The following TPCN1 variants were observed in gnomAD, a reference collection of about 807,000 sequenced individuals.
The protein encoded by TPCN1 is two pore segment channel 1.
Under a neutral mutation model 108.8 loss-of-function variants are expected in TPCN1, and 52 were observed. The observed-to-expected ratio is 0.48, with a 90% CI of 0.38 to 0.60. The LOEUF is 0.60. Among genes scored for constraint, TPCN1 ranks in the 20% least tolerant of loss-of-function variants. TPCN1 has a pLI of 0.00. For missense variants in TPCN1, 806 were observed against 1,072.8 expected (o/e 0.75, Z 3.47); for synonymous variants, 446 against 433.7 (o/e 1.03, Z -0.35).
At chr12:113,224,297 G>A (rs1397755962) in intron 1 of TPCN1, among the ~76,000 whole-genome samples, 1 of 152,156 alleles carries the variant, frequency 6.6e-6, no homozygotes, top group African/African-American at 2.4e-5. Context: ...TAATAAGCCT[G>A]CCTATCTCAT....
Position 113,268,782 on chromosome 12 carries a change from T to C in TPCN1, c.569T>C (p.Val190Ala), listed in dbSNP as rs1260830722. 1 of 1,613,916 alleles carries C rather than the reference T, an allele frequency of 6.2e-7. No homozygotes were observed. The highest frequency in any genetic ancestry group is 8.5e-7 in the Non-Finnish European group (1 of 1,180,022). The change falls in exon 6 of 28, where the codon GTG becomes GCG. Residue 190 changes from valine (V) to alanine (A), a missense_variant. Val to Ala is a moderately conservative substitution (Grantham distance 64). Transcript: ENST00000335509. This position sits in a 1 kb window ranked among gnomAD's most constrained non-coding sequence, Gnocchi z 7.3. ...GTGCAGTTTGTCGAGGCCATCGTGG[T>C]GTTGGTACGGCAGATGTCCCATGTG... ...LVVQFVEAIV[V>A]LVRQMSHVRV...
chr12:113,230,225 G>A (rs1312493277), intron 2 of TPCN1, among the ~76,000 whole-genome samples: 2 of 150,794 alleles, frequency 1.3e-5, no homozygotes, highest in Non-Finnish European at 3.0e-5. Flanking sequence ...GTAGATTATA[G>A]TGGGGTAATT....
chr12:113,288,693 CG>C lies in TPCN1; in HGVS notation c.1707-61del. ...GTCAGCCCCACGGGTCCGAGGAGGCCGGGGCTGCAGAGGAGCCGTTCCCTCC... is the reference window on the plus strand; with the variant it reads ...GTCAGCCCCACGGGTCCGAGGAGGCCGGGCTGCAGAGGAGCCGTTCCCTCC... On this transcript the variant is annotated intron_variant, in intron 20 of 27. Coordinates refer to ENST00000335509, the MANE Select transcript of TPCN1 (RefSeq NM_017901.6). This position sits in a 1 kb window ranked among gnomAD's most constrained non-coding sequence, Gnocchi z 4.8. 1 of 1,596,322 alleles carries C rather than the reference CG, an allele frequency of 6.3e-7. No individual in the cohort carries two copies.
chr12:113,279,357 GTGTATATATA>G (rs1374267406), intron 14 of TPCN1, among the ~76,000 whole-genome samples: 184 of 65,948 alleles, frequency 2.8e-3, no homozygotes, highest in Middle Eastern at 9.4e-3. Context: ...GTGTGTGTGT[GTGTATATATA>G]TATATATATA....
intron 2 of TPCN1, among the ~76,000 whole-genome samples, chr12:113,240,243 C>T (rs756807102): frequency 5.0e-4 from 76 of 152,312 alleles, no homozygotes; most frequent in East Asian, 7.7e-4. Context: ...GGAGACCAGA[C>T]GCCGTCCAGA....
Position 113,278,317 on chromosome 12 carries a change from G to T in TPCN1, c.1233+80G>T. 3 of 1,275,096 alleles carry T rather than the reference G, an allele frequency of 2.4e-6. No homozygotes were observed. The Admixed American group carries it at 5.1e-5, about 21-fold the overall frequency. 79.0% of individuals were successfully genotyped at this position (1,275,096 alleles called of 1,614,324 possible). A position where few individuals can be genotyped will look rare whatever the true frequency, so the allele number is the denominator to read the frequency against. On this transcript the variant is annotated intron_variant, in intron 13 of 27. Transcript: ENST00000335509. The stretch of plus-strand genomic sequence containing the variant: ...GCAGTGAGGAGCAGGGGCACCCCGA[G>T]ATCCAGCTCTCTCCCTGCTAGAGCA...
chr12:113,233,463 T>G (rs1242144462), intron 2 of TPCN1, among the ~76,000 whole-genome samples: 1 of 152,232 alleles, frequency 6.6e-6, no homozygotes, highest in Non-Finnish European at 1.5e-5. Context: ...AGGTTTCAAA[T>G]GACAGCAAGG....
intron 12 of TPCN1, among the ~76,000 whole-genome samples, chr12:113,277,737 C>G (rs1428109618): frequency 6.6e-6 from 1 of 152,148 alleles, no homozygotes; most frequent in Non-Finnish European, 1.5e-5. Context: ...AGAACTGACC[C>G]GAGATCTCCA....
At chr12:113,279,333 GTGTGTATATATATGTGTGTGTGTGTGTA>G (rs1374406639) in intron 14 of TPCN1, among the ~76,000 whole-genome samples, 1 of 126,364 alleles carries the variant, frequency 7.9e-6, no homozygotes, top group Non-Finnish European at 1.6e-5. Flanking sequence ...GTGTGTGTGT[GTGTGTATATATATGTGTGTGTGTGTGTA>G]TATATATATA....
rs1265609738 is a variant in TPCN1, at chr12:113,289,839, C to T, written c.1797-289C>T. Among the ~76,000 whole-genome samples the T allele has an allele frequency of 4.6e-5, 7 of 152,188 alleles. No individual in the cohort carries two copies. The highest frequency in any genetic ancestry group is 8.8e-5 in the Non-Finnish European group (6 of 68,042). ...GCCCTTGCCTCTCCTCCCTCCCCTG[C>T]AAGCAACGGTGAGAGAGAAGGCCCT... On this transcript the variant is annotated intron_variant, in intron 21 of 27. Transcript: ENST00000335509. This position sits in a 1 kb window ranked among gnomAD's most constrained non-coding sequence, Gnocchi z 4.1.
chr12:113,257,974 A>T (rs1954886353), intron 2 of TPCN1, among the ~76,000 whole-genome samples: 2 of 152,202 alleles, frequency 1.3e-5, no homozygotes, highest in Admixed American at 1.3e-4. Flanking sequence ...ATAGATGCAG[A>T]TTCATCTAAT....
Position 113,277,045 on chromosome 12 carries a change from A to C in TPCN1, c.1059+10A>C, listed in dbSNP as rs745894919. The C allele has an allele frequency of 2.5e-6, 4 of 1,612,002 alleles. No individual in the cohort carries two copies. Among genetic ancestry groups the C allele is most frequent in the Non-Finnish European group, 3.4e-6 (4 of 1,178,436 alleles). On this transcript the variant is annotated intron_variant, in intron 11 of 27. Coordinates refer to ENST00000335509, the MANE Select transcript of TPCN1 (RefSeq NM_017901.6). ...GCTCATCAGCCAGAGGGTAGGAACT[A>C]TGGGCCAGGGAGGGGCTTGGTCCCT...
chr12:113,275,403 C>T (rs772400415), intron 10 of TPCN1, among the ~76,000 whole-genome samples: 5 of 150,938 alleles, frequency 3.3e-5, no homozygotes, highest in Non-Finnish European at 7.4e-5. Context: ...GCCGCCACAC[C>T]CGACTAATTT....
chr12:113,287,632 A>G (rs1464214770), intron 19 of TPCN1, among the ~76,000 whole-genome samples: 1 of 152,126 alleles, frequency 6.6e-6, no homozygotes, highest in Non-Finnish European at 1.5e-5. Flanking sequence ...CTGCAACCCC[A>G]TCCACGTCCG....
At chr12:113,238,286 A>G (rs974851679) in intron 2 of TPCN1, among the ~76,000 whole-genome samples, 1 of 152,230 alleles carries the variant, frequency 6.6e-6, no homozygotes, top group Non-Finnish European at 1.5e-5. Flanking sequence ...AGCAGAGAGC[A>G]TCATGTTACT....
At chr12:113,280,950 G>A (rs1955866539) in intron 15 of TPCN1, among the ~76,000 whole-genome samples, 1 of 152,008 alleles carries the variant, frequency 6.6e-6, no homozygotes, top group African/African-American at 2.4e-5. Flanking sequence ...ATAAACTGTT[G>A]TGCGTTCATG....
chr12:113,249,723 G>A (rs1287523498), intron 2 of TPCN1: 2 of 152,362 alleles, frequency 1.3e-5, no homozygotes, highest in African/African-American at 2.4e-5. Context: ...TGCCACCTGC[G>A]GTGATGGCCT....
Position 113,277,242 on chromosome 12 carries a change from G to T in TPCN1, c.1062G>T (p.Arg354Ser). ...HAYRLLISQR[R>S]PAGISYRQFE... Reference sequence around the variant, plus strand: ...CACTGCTCTTCCCTCTCCCCCAGAGGCCTGCCGGCATCTCCTACAGGCAGT... The same window carrying T: ...CACTGCTCTTCCCTCTCCCCCAGAGTCCTGCCGGCATCTCCTACAGGCAGT... Residue 354 changes from arginine to serine, a missense_variant and splice_region_variant, in exon 12 of 28, where the codon AGG becomes AGT. Transcript: ENST00000335509. 6.2e-7 allele frequency: 1 copy of T among 1,612,892 alleles called. No individual in the cohort carries two copies. Among genetic ancestry groups the T allele is most frequent in the Non-Finnish European group, 8.5e-7 (1 of 1,179,428 alleles).
At chr12:113,252,600 T>C (rs1250523788) in intron 2 of TPCN1, among the ~76,000 whole-genome samples, 1 of 152,222 alleles carries the variant, frequency 6.6e-6, no homozygotes, top group East Asian at 1.9e-4. Context: ...CTCCGCTCCA[T>C]CATTGTTATT....
Sources: allele counts gnomAD v4.1 joint callset (sites outside exome capture counted in the v4.1 genomes callset), GRCh38; gene constraint gnomAD v4.1.1; non-coding constraint Gnocchi (gnomAD v3.1); transcripts MANE v1.5; gene names NCBI Gene and HGNC (gene_info 2026-07-23, HGNC 2026-07-21).